The following INPP4B variants were observed in gnomAD, a reference collection of about 807,000 sequenced individuals.
INPP4B encodes the protein inositol polyphosphate 4-phosphatase type II.
Under a neutral mutation model 122.5 loss-of-function variants are expected in INPP4B, and 55 were observed. The observed-to-expected ratio is 0.45, with a 90% confidence interval of 0.36 to 0.56. INPP4B has a LOEUF of 0.56. Ranked by LOEUF, INPP4B falls within the 20% of genes least tolerant of loss-of-function variation. The pLI, the probability that INPP4B is intolerant of heterozygous loss-of-function variation, is 0.00. For missense variants in INPP4B, 1,000 were observed against 1,097.7 expected (o/e 0.91, Z 1.26); for synonymous variants, 403 against 388.7 (o/e 1.04, Z -0.43).
intron 18 of INPP4B, among the ~76,000 whole-genome samples, chr4:142,128,598 C>A (rs1799765999): frequency 6.6e-6 from 1 of 152,100 alleles, no homozygotes; most frequent in Non-Finnish European, 1.5e-5. Flanking sequence ...ACCCTGAGAC[C>A]AACAAGAATC....
At chr4:142,404,061 T>G (rs1225454213) in intron 6 of INPP4B, among the ~76,000 whole-genome samples, 2 of 152,198 alleles carry the variant, frequency 1.3e-5, no homozygotes, top group Non-Finnish European at 2.9e-5. Flanking sequence ...TTTTTAACTT[T>G]TTTATATAAA....
rs547911682 is a variant in INPP4B, at chr4:142,720,017, T to A, written c.-191+5822A>T. 3.3e-5 allele frequency among the ~76,000 whole-genome samples: 5 copies of A among 152,168 alleles called. No homozygotes were observed. In the South Asian group the frequency reaches 1.0e-3, roughly 32 times the overall value. On this transcript the variant is annotated intron_variant, in intron 2 of 25. Transcript: ENST00000262992. ...CCCATCCAATGATGGCATAAATGAA[T>A]CATAAAGTATCAAAGCAGAAGTTTA...
intron 2 of INPP4B, among the ~76,000 whole-genome samples, chr4:142,666,543 A>C (rs938022089): frequency 6.6e-6 from 1 of 152,122 alleles, no homozygotes; most frequent in African/African-American, 2.4e-5. Context: ...AAATCTTATA[A>C]TACAATATCA....
chr4:142,405,179 G>GAGAGAA (rs1351394327), intron 6 of INPP4B, 27 bp downstream of exon 6: 6 of 1,236,666 alleles, frequency 4.9e-6, no homozygotes, highest in Non-Finnish European at 7.1e-6. Context: ...GAGAGAGAGA[G>GAGAGAA]ATTAATGTAG....
chr4:142,839,127 T>C (rs1330862095), intron 1 of INPP4B, among the ~76,000 whole-genome samples: 1 of 152,220 alleles, frequency 6.6e-6, no homozygotes, highest in Non-Finnish European at 1.5e-5. Flanking sequence ...TTGTATTCCA[T>C]GGGTCTGCTA....
At chr4:142,812,150 T>A (rs34831472) in intron 1 of INPP4B, among the ~76,000 whole-genome samples, 37,346 of 152,134 alleles carry the variant, frequency 0.25, 4,785 homozygotes, top group South Asian at 0.34. Context: ...AGTTATTGCA[T>A]ACTTCTTTGC....
chr4:142,057,226 TA>T (rs1366781506), intron 25 of INPP4B, among the ~76,000 whole-genome samples: 7 of 132,082 alleles, frequency 5.3e-5, no homozygotes, highest in African/African-American at 1.8e-4. Context: ...TTTGTAACAA[TA>T]AATATTCCAT....
chr4:142,797,015 A>T (rs1451994189), intron 1 of INPP4B, among the ~76,000 whole-genome samples: 1 of 151,952 alleles, frequency 6.6e-6, no homozygotes, highest in Non-Finnish European at 1.5e-5. Flanking sequence ...ATAATTAAAC[A>T]TATTGCCACC....
chr4:142,214,467 T>C (rs1177139731), intron 12 of INPP4B, among the ~76,000 whole-genome samples: 1 of 152,212 alleles, frequency 6.6e-6, no homozygotes, highest in Non-Finnish European at 1.5e-5. Context: ...AACATACATT[T>C]ATAAAGGGGT....
At chr4:142,460,949 TG>T (rs2149587320) in intron 3 of INPP4B, among the ~76,000 whole-genome samples, 1 of 152,148 alleles carries the variant, frequency 6.6e-6, no homozygotes, top group East Asian at 1.9e-4. Flanking sequence ...CAGGCCAAGA[TG>T]GGTGGATCAT....
At chr4:142,321,239 A>G (rs902784098) in intron 7 of INPP4B, among the ~76,000 whole-genome samples, 2 of 152,172 alleles carry the variant, frequency 1.3e-5, no homozygotes, top group East Asian at 1.9e-4. Flanking sequence ...GCACTTTTTC[A>G]TAGGCTTGTT....
intron 7 of INPP4B, among the ~76,000 whole-genome samples, chr4:142,396,658 G>A (rs1176497316): frequency 6.6e-6 from 1 of 152,066 alleles, no homozygotes; most frequent in Non-Finnish European, 1.5e-5. Context: ...GTCAACATAT[G>A]TTCATAGATG....
intron 25 of INPP4B, among the ~76,000 whole-genome samples, chr4:142,050,882 A>C (rs1754187390): frequency 6.6e-6 from 1 of 152,006 alleles, no homozygotes; most frequent in Admixed American, 6.6e-5. Flanking sequence ...CTGGGTCCAC[A>C]GATACAACCA....
At chr4:142,792,144 T>G (rs1034144459) in intron 1 of INPP4B, among the ~76,000 whole-genome samples, 26 of 152,050 alleles carry the variant, frequency 1.7e-4, no homozygotes, top group Non-Finnish European at 3.1e-4. Context: ...CCACAGCTAC[T>G]TGGAAGCCTG....
intron 2 of INPP4B, among the ~76,000 whole-genome samples, chr4:142,701,261 ATACTGGTTAGTAGGTACTCCCTCC>A (rs1761724516): frequency 6.6e-6 from 1 of 152,108 alleles, no homozygotes; most frequent in Non-Finnish European, 1.5e-5. Context: ...TTTGGTCTCC[ATACTGGTTAGTAGGTACTCCCTCC>A]TGCCAGCCTC....
intron 2 of INPP4B, among the ~76,000 whole-genome samples, chr4:142,655,747 C>T (rs976092476): frequency 6.6e-6 from 1 of 152,126 alleles, no homozygotes; most frequent in African/African-American, 2.4e-5. Flanking sequence ...GATTTGTGTA[C>T]ATTATTCCTT....
chr4:142,759,391 G>A (rs559574293), intron 1 of INPP4B, among the ~76,000 whole-genome samples: 3 of 152,084 alleles, frequency 2.0e-5, no homozygotes, highest in African/African-American at 4.8e-5. Context: ...ACACAATTTC[G>A]TCTTCTCTCC....
At chr4:142,383,574 G>A (rs1561977986) in intron 7 of INPP4B, among the ~76,000 whole-genome samples, 1 of 151,980 alleles carries the variant, frequency 6.6e-6, no homozygotes, top group Non-Finnish European at 1.5e-5. Flanking sequence ...AAGTAGATCT[G>A]CCTTGCAACT....
chr4:142,594,626 A>C (rs1738261025), intron 2 of INPP4B, among the ~76,000 whole-genome samples: 1 of 152,134 alleles, frequency 6.6e-6, no homozygotes, highest in Non-Finnish European at 1.5e-5. Flanking sequence ...GTATTATATC[A>C]AACATTTAGA....
Sources: gnomAD v4.1 joint callset for allele counts (sites outside exome capture counted in the v4.1 genomes callset) on GRCh38, gnomAD v4.1.1 for gene constraint, MANE v1.5 for transcripts, NCBI Gene and HGNC (gene_info 2026-07-23, HGNC 2026-07-21) for gene names.